Variants in HK1 observed in about 807,000 individuals in gnomAD.
The protein encoded by HK1 is hexokinase 1, also known as hexokinase-1.
HK1 carries 28 observed loss-of-function variants against 91.6 expected under a neutral mutation model. The ratio of observed to expected loss-of-function variants is 0.31; its 90% confidence interval spans 0.23 to 0.42. The LOEUF is 0.42. Among genes scored for constraint, HK1 ranks in the 10% least tolerant of loss-of-function variants. The pLI is 1.00. For synonymous variants in HK1, 430 were observed against 468.1 expected (o/e 0.92, Z 1.05); for missense variants, 770 against 1,219.8 (o/e 0.63, Z 5.49).
At chr10:69,305,888 A>AAAC (rs111756516) in intron 5 of HK1, among the ~76,000 whole-genome samples, 5,503 of 149,874 alleles carry the variant, frequency 0.037, 158 homozygotes, top group East Asian at 0.085. Flanking sequence ...AAAACAACAA[A>AAAC]AAAAAATAAG....
At chr10:69,357,720 T>C (rs539463374) in intron 2 of HK1, among the ~76,000 whole-genome samples, 21 of 152,308 alleles carry the variant, frequency 1.4e-4, no homozygotes, top group African/African-American at 5.1e-4. Flanking sequence ...CCCAAAGTGC[T>C]GGGATTACAG....
At chr10:69,276,106 A>ATATATAT (rs1564746684) in intron 1 of HK1, among the ~76,000 whole-genome samples, 16 of 45,828 alleles carry the variant, frequency 3.5e-4, no homozygotes, top group Non-Finnish European at 7.0e-4. Context: ...AAAAAAAAAA[A>ATATATAT]AAAAAAAAAA....
intron 5 of HK1, among the ~76,000 whole-genome samples, chr10:69,307,332 C>G (rs1344114264): frequency 6.6e-6 from 1 of 152,096 alleles, no homozygotes; most frequent in African/African-American, 2.4e-5. Context: ...GCCCCTCTGG[C>G]CTTGCAGATC....
chr10:69,394,931 G>T lies in HK1; in HGVS notation c.2220-19G>T. Reference sequence around the variant, plus strand: ...TGGCCACTTCCCATAGACACCCCAGGCCCCTCCTCCTGTCTCAGGTATGAG... The same window carrying T: ...TGGCCACTTCCCATAGACACCCCAGTCCCCTCCTCCTGTCTCAGGTATGAG... On this transcript the variant is annotated intron_variant, in intron 15 of 17. Transcript: ENST00000359426. The T allele has an allele frequency of 1.2e-6, 2 of 1,613,892 alleles. No individual in the cohort carries two copies. The highest frequency in any genetic ancestry group is 1.7e-6 in the Non-Finnish European group (2 of 1,179,894).
At chr10:69,301,507 G>C (rs1266684254) in intron 5 of HK1, among the ~76,000 whole-genome samples, 3 of 148,392 alleles carry the variant, frequency 2.0e-5, no homozygotes, top group Non-Finnish European at 3.0e-5. Context: ...CTGGGAGGTG[G>C]AGGTTGCAGT....
chr10:69,384,209 G>A, intron 10 of HK1, 124 bp from the exon 11 acceptor site: 1 of 1,148,158 alleles, frequency 8.7e-7, no homozygotes, highest in Non-Finnish European at 1.3e-6. Flanking sequence ...AAAGGGAGGA[G>A]TTGCAGCTTC....
intron 1 of HK1, among the ~76,000 whole-genome samples, chr10:69,326,277 G>T (rs1847372242): frequency 6.6e-6 from 1 of 152,024 alleles, no homozygotes; most frequent in African/African-American, 2.4e-5. Flanking sequence ...ATATGTGTAG[G>T]TGTGTGTATG....
chr10:69,315,238 G>A (rs570319147), upstream of HK1, among the ~76,000 whole-genome samples: 110 of 152,332 alleles, frequency 7.2e-4, no homozygotes, highest in Non-Finnish European at 1.3e-3. Context: ...TATTCAGAGT[G>A]TGCTCCCAGG....
At chr10:69,348,470 G>A (rs1158919686) in intron 2 of HK1, among the ~76,000 whole-genome samples, 1 of 152,230 alleles carries the variant, frequency 6.6e-6, no homozygotes, top group South Asian at 2.1e-4. Context: ...CCATCATGCA[G>A]CTGGATTGTA....
chr10:69,304,282 ATTTAT>A (rs535047408), intron 5 of HK1, among the ~76,000 whole-genome samples: 16 of 81,762 alleles, frequency 2.0e-4, no homozygotes, highest in South Asian at 1.6e-3. Context: ...TTTATTATTT[ATTTAT>A]TTATTTATTT....
At position 69,401,095 on chromosome 10, in the gene HK1, C is replaced by A; in HGVS notation, c.2714C>A (p.Thr905Lys). The change falls in exon 18 of 18, where the codon ACG becomes AAG. Residue 905 changes from threonine (T) to lysine (K), a missense_variant. By Grantham distance (78) the Thr-to-Lys change is moderately conservative. Around this residue, in one of 7 missense-constraint regions of HK1, gnomAD observed 15 missense variants for 21.7 expected, o/e 0.69. Transcript: ENST00000359426. ...AGCGGCAAGGGGGCCGCCCTCATCACGGCCGTGGGCGTGCGGTTACGCACA... is the reference window on the plus strand; with the variant it reads ...AGCGGCAAGGGGGCCGCCCTCATCAAGGCCGTGGGCGTGCGGTTACGCACA... ...DGSGKGAALI[T>K]AVGVRLRTEA... 1 of 1,614,118 alleles carries A rather than the reference C, an allele frequency of 6.2e-7. No homozygotes were observed. The highest frequency in any genetic ancestry group is 8.5e-7 in the Non-Finnish European group (1 of 1,180,024).
intron 13 of HK1, among the ~76,000 whole-genome samples, chr10:69,387,289 T>G (rs772595110): frequency 5.9e-5 from 9 of 152,168 alleles, no homozygotes; most frequent in Non-Finnish European, 1.3e-4. Flanking sequence ...TTTTTAGAAT[T>G]TTAAAGTTTC....
At chr10:69,398,474 C>T (rs777876117) in intron 16 of HK1, 121 bp from the exon 17 acceptor site, 23 of 762,814 alleles carry the variant, frequency 3.0e-5, no homozygotes, top group Non-Finnish European at 4.3e-5. Flanking sequence ...TAACACTTGC[C>T]CTTGACTCTG....
chr10:69,327,000 C>CGTTT (rs1847415801), intron 1 of HK1, among the ~76,000 whole-genome samples: 1 of 110,926 alleles, frequency 9.0e-6, no homozygotes, highest in Non-Finnish European at 1.8e-5. Flanking sequence ...TGGTTTTAAA[C>CGTTT]TTTTTTTTTT....
chr10:69,381,158 T>C (rs1839367348), intron 9 of HK1, among the ~76,000 whole-genome samples: 1 of 151,984 alleles, frequency 6.6e-6, no homozygotes, highest in South Asian at 2.1e-4. Context: ...GGTGTGGTGG[T>C]GTGCCTATAA....
At position 69,344,339 on chromosome 10, in the gene HK1, C is replaced by G. The variant is rs1485657813; in HGVS notation, c.226+350C>G. The stretch of plus-strand genomic sequence containing the variant: ...TCTCGCAGATACTGTGTGGGTTGCT[C>G]TTATGTCTTCAGAACATGAAGAACT... On this transcript the variant is annotated intron_variant, in intron 2 of 17. Transcript: ENST00000359426. 4.6e-5 allele frequency among the ~76,000 whole-genome samples: 7 copies of G among 152,276 alleles called. No homozygotes were observed. The South Asian group carries it at 1.2e-3, about 27-fold the overall frequency.
At chr10:69,336,478 A>C (rs867598113) in intron 1 of HK1, among the ~76,000 whole-genome samples, 19 of 151,854 alleles carry the variant, frequency 1.3e-4, no homozygotes, top group African/African-American at 4.6e-4. Flanking sequence ...GGCACGAGCC[A>C]CCGCGCCTGG....
chr10:69,367,240 G>A (rs1849755044), intron 4 of HK1, among the ~76,000 whole-genome samples: 1 of 152,292 alleles, frequency 6.6e-6, no homozygotes, highest in Admixed American at 6.5e-5. Flanking sequence ...CTGGGCCAGG[G>A]TACTTGCTGT....
chr10:69,304,443 G>A (rs1180555743), intron 5 of HK1, among the ~76,000 whole-genome samples: 1 of 152,006 alleles, frequency 6.6e-6, no homozygotes, highest in Non-Finnish European at 1.5e-5. Flanking sequence ...AAGTAGCTGG[G>A]ATTACTGGCG....
Sources: gnomAD v4.1 joint callset for allele counts (sites outside exome capture counted in the v4.1 genomes callset) on GRCh38, gnomAD v4.1.1 for gene constraint, gnomAD v4.1.1 regional missense constraint, MANE v1.5 for transcripts, NCBI Gene and HGNC (gene_info 2026-07-23, HGNC 2026-07-21) for gene names.